Variants in DACH2 observed in about 807,000 individuals in gnomAD.
DACH2 encodes dachshund homolog 2.
In DACH2, 17 loss-of-function variants were observed where a neutral mutation model predicts 35.8. The observed-to-expected ratio is 0.48, with a 90% CI of 0.33 to 0.71. The LOEUF (loss-of-function observed/expected upper bound fraction) is 0.71. Among genes scored for constraint, DACH2 ranks in the 30% least tolerant of loss-of-function variants. DACH2 has a pLI of 0.02. For synonymous variants in DACH2, 195 were observed against 177.3 expected (o/e 1.10, Z -0.79); for missense variants, 469 against 472.7 (o/e 0.99, Z 0.07).
At chrX:86,323,412 CCT>C (rs1322233015) in intron 1 of DACH2, among the ~76,000 whole-genome samples, 3 of 111,738 alleles carry the variant, frequency 2.7e-5, no homozygotes. Context: ...ATGAAATCCC[CCT>C]GTCTGTAGAA....
intron 2 of DACH2, among the ~76,000 whole-genome samples, chrX:86,489,112 C>T (rs986547644): frequency 7.2e-5 from 8 of 111,371 alleles, no homozygotes; most frequent in African/African-American, 2.6e-4. Context: ...TCTTAATTTA[C>T]ACTAATGTTA....
intron 4 of DACH2, among the ~76,000 whole-genome samples, chrX:86,679,318 C>A (rs147355897): frequency 9.0e-6 from 1 of 110,620 alleles, no homozygotes; most frequent in African/African-American, 3.3e-5. Context: ...TGTGTGAATG[C>A]GTAGGTATGA....
At chrX:86,673,334 T>TTAA (rs1170579518) in intron 4 of DACH2, among the ~76,000 whole-genome samples, 1 of 14,382 alleles carries the variant, frequency 7.0e-5, no homozygotes, top group Non-Finnish European at 1.0e-4. Context: ...AGACTCCGTC[T>TTAA]CAAAAAAAAA....
At chrX:86,397,454 T>C (rs952761363) in intron 2 of DACH2, among the ~76,000 whole-genome samples, 2 of 111,563 alleles carry the variant, frequency 1.8e-5, no homozygotes, top group African/African-American at 6.5e-5. Context: ...AGAGAGGGCA[T>C]CCCTGTCTTG....
At chrX:86,736,762 GT>G (rs2041600843) in intron 6 of DACH2, among the ~76,000 whole-genome samples, 2 of 111,173 alleles carry the variant, frequency 1.8e-5, no homozygotes, top group African/African-American at 6.5e-5. Context: ...TGTGATTCTG[GT>G]TTGCTGTTAC....
chrX:86,669,737 AGATTTTG>A (rs2040741967), intron 4 of DACH2, among the ~76,000 whole-genome samples: 1 of 111,665 alleles, frequency 9.0e-6, no homozygotes, highest in African/African-American at 3.2e-5. Context: ...ACAGGTTAAT[AGATTTTG>A]GTGACATCAT....
At chrX:86,648,911 A>G (rs2040446201) in intron 3 of DACH2, among the ~76,000 whole-genome samples, 1 of 111,209 alleles carries the variant, frequency 9.0e-6, no homozygotes, top group African/African-American at 3.2e-5. Flanking sequence ...CAAAAAATGC[A>G]TGACCATATG....
At chrX:86,760,591 T>C (rs1421547644) in intron 7 of DACH2, among the ~76,000 whole-genome samples, 1 of 111,663 alleles carries the variant, frequency 9.0e-6, no homozygotes, top group Non-Finnish European at 1.9e-5. Context: ...CAAGTTCCTG[T>C]CTCATATTCT....
chrX:86,408,549 C>A (rs1282837724), intron 2 of DACH2, among the ~76,000 whole-genome samples: 5 of 111,930 alleles, frequency 4.5e-5, no homozygotes, highest in African/African-American at 1.6e-4. Flanking sequence ...AATATAGCAT[C>A]TTGGATTATT....
chrX:86,303,500 A>G (rs1309757258), intron 1 of DACH2, among the ~76,000 whole-genome samples: 1 of 110,625 alleles, frequency 9.0e-6, no homozygotes, highest in Non-Finnish European at 1.9e-5. Context: ...TGCATTTACC[A>G]TCAAGTGGAA....
At chrX:86,232,810 C>A (rs1346480204) in intron 1 of DACH2, among the ~76,000 whole-genome samples, 1 of 112,005 alleles carries the variant, frequency 8.9e-6, no homozygotes, top group Non-Finnish European at 1.9e-5. Context: ...AAAAGTAGAA[C>A]TATCATTCAA....
intron 2 of DACH2, among the ~76,000 whole-genome samples, chrX:86,411,196 A>G (rs1673915601): frequency 9.4e-6 from 1 of 106,026 alleles, no homozygotes; most frequent in African/African-American, 3.4e-5. Flanking sequence ...GATGCAGCAC[A>G]GCATGGAAGA....
chrX:86,637,386 C>T (rs1345908246), intron 3 of DACH2, among the ~76,000 whole-genome samples: 1 of 109,547 alleles, frequency 9.1e-6, no homozygotes, highest in Non-Finnish European at 1.9e-5. Context: ...TCAACAATCC[C>T]CATTAGAGGA....
intron 3 of DACH2, among the ~76,000 whole-genome samples, chrX:86,602,774 G>T (rs957755289): frequency 9.0e-6 from 1 of 110,896 alleles, no homozygotes; most frequent in Non-Finnish European, 1.9e-5. Context: ...CCATTTTTGG[G>T]TCGTCTTTTT....
intron 7 of DACH2, among the ~76,000 whole-genome samples, chrX:86,811,993 T>C (rs2042398861): frequency 8.9e-6 from 1 of 112,214 alleles, no homozygotes; most frequent in Non-Finnish European, 1.9e-5. Flanking sequence ...TTTTATGTCA[T>C]ACGTGTTATT....
At chrX:86,225,824 G>A (rs1458412549) in intron 1 of DACH2, among the ~76,000 whole-genome samples, 1 of 111,372 alleles carries the variant, frequency 9.0e-6, no homozygotes, top group African/African-American at 3.3e-5. Context: ...GCCATACTCT[G>A]TCTCTTTTTG....
At chrX:86,614,534 A>G (rs924681419) in intron 3 of DACH2, among the ~76,000 whole-genome samples, 1 of 111,631 alleles carries the variant, frequency 9.0e-6, no homozygotes, top group African/African-American at 3.3e-5. Context: ...AGGAAATCAA[A>G]GTTTAGAGTT....
At chrX:86,703,915 C>A (rs1003624185) in intron 5 of DACH2, among the ~76,000 whole-genome samples, 1 of 111,759 alleles carries the variant, frequency 8.9e-6, no homozygotes, top group Non-Finnish European at 1.9e-5. Context: ...ATTACAATTT[C>A]TATCAAACTA....
chrX:86,384,290 G>T lies in DACH2; in HGVS notation c.527+7428G>T, dbSNP rs1038116167. On this transcript the variant is annotated intron_variant, in intron 2 of 11. Transcript: ENST00000373125. ...TGGTGACATTTTCTAAAATTGTATA[G>T]CCCTATTCTTAAAAGTTTGTCAGTG... Among the ~76,000 whole-genome samples the T allele has an allele frequency of 2.7e-5, 3 of 111,209 alleles. No individual in the cohort carries two copies. The Admixed American group carries it at 2.9e-4, about 11-fold the overall frequency.
Sources: allele counts gnomAD v4.1 joint callset (sites outside exome capture counted in the v4.1 genomes callset), GRCh38; gene constraint gnomAD v4.1.1; transcripts MANE v1.5; gene names NCBI Gene and HGNC (gene_info 2026-07-23, HGNC 2026-07-21).